Variants in NIPAL3 observed in about 807,000 individuals in gnomAD.
NIPAL3 encodes NIPA like domain containing 3, also known as NIPA-like protein 3.
Under a neutral mutation model 47.2 loss-of-function variants are expected in NIPAL3, and 41 were observed. The observed-to-expected ratio is 0.87, with a 90% confidence interval of 0.68 to 1.13. NIPAL3 has a LOEUF of 1.13. Ranked by LOEUF, NIPAL3 falls within the 50% of genes most tolerant of loss-of-function variation. The pLI is 0.00. For synonymous variants in NIPAL3, 194 were observed against 209.6 expected (o/e 0.93, Z 0.64); for missense variants, 449 against 530.1 (o/e 0.85, Z 1.50).
intron 4 of NIPAL3, 75 bp downstream of exon 4, chr1:24,442,301 AG>A (rs1645435362): frequency 2.0e-6 from 3 of 1,526,242 alleles, no homozygotes; most frequent in Admixed American, 3.7e-5. Flanking sequence ...CCAGGATCAA[AG>A]GTGCCCATTG....
chr1:24,451,261 C>T lies in NIPAL3; in HGVS notation c.540+1635C>T, dbSNP rs140998612. Among the ~76,000 whole-genome samples, 77 of 152,250 alleles carry T rather than the reference C, an allele frequency of 5.1e-4. No homozygotes were observed. The highest frequency in any genetic ancestry group is 1.7e-3 in the African/African-American group (69 of 41,544). On this transcript the variant is annotated intron_variant, in intron 6 of 11. Coordinates refer to ENST00000374399, the MANE Select transcript of NIPAL3 (RefSeq NM_020448.5). The surrounding 1 kb of genome is among the most constrained non-coding windows in gnomAD (Gnocchi z 4.5). Reference sequence around the variant, plus strand: ...CCAAATTCAGTCAATATTTATTGAGCGTCTGCTGTGTGCTAGACACTATGG... The same window carrying T: ...CCAAATTCAGTCAATATTTATTGAGTGTCTGCTGTGTGCTAGACACTATGG...
intron 2 of NIPAL3, among the ~76,000 whole-genome samples, chr1:24,426,942 G>A (rs552249354): frequency 2.6e-5 from 4 of 152,308 alleles, no homozygotes; most frequent in East Asian, 1.9e-4. Flanking sequence ...AGTTTGCACC[G>A]TGTCTTTGCT....
intron 6 of NIPAL3, among the ~76,000 whole-genome samples, chr1:24,450,660 A>G (rs575135223): frequency 4.6e-5 from 7 of 152,332 alleles, no homozygotes; most frequent in Non-Finnish European, 8.8e-5. Context: ...TGAGAAAACC[A>G]GGGCTCTGAG....
chr1:24,454,617 G>A lies in NIPAL3; in HGVS notation c.637+1113G>A, dbSNP rs988890887. On this transcript the variant is annotated intron_variant, in intron 7 of 11. Coordinates refer to ENST00000374399, the MANE Select transcript of NIPAL3 (RefSeq NM_020448.5). The surrounding 1 kb of genome is among the most constrained non-coding windows in gnomAD (Gnocchi z 4.1). ...CCTGTTTAAAGTATACAATTCAGTG[G>A]TTTTTAGTATTTCATAGAGTTGTGA... 1.1e-6 allele frequency: 1 copy of A among 883,858 alleles called. No individual in the cohort carries two copies. The highest frequency in any genetic ancestry group is 6.2e-5 in the Admixed American group (1 of 16,188). 54.8% of individuals were successfully genotyped at this position (883,858 alleles called of 1,614,324 possible).
At chr1:24,464,141 G>T in intron 11 of NIPAL3, 21 bp downstream of exon 11, 1 of 1,592,722 alleles carries the variant, frequency 6.3e-7, no homozygotes, top group Non-Finnish European at 8.6e-7. Context: ...AGCCCCGTGG[G>T]TCTAGCTGAA....
intron 6 of NIPAL3, among the ~76,000 whole-genome samples, chr1:24,452,396 G>C (rs565008036): frequency 3.3e-5 from 5 of 152,186 alleles, no homozygotes; most frequent in Admixed American, 2.6e-4. Context: ...TACCTGCTTC[G>C]TAGAGTTATT....
chr1:24,463,260 A>ATT, intron 10 of NIPAL3, among the ~76,000 whole-genome samples: 1 of 152,320 alleles, frequency 6.6e-6, no homozygotes, highest in East Asian at 1.9e-4. Flanking sequence ...CCAGACATAA[A>ATT]AGAGTACATA....
At chr1:24,446,964 C>T (rs970300012) in intron 5 of NIPAL3, among the ~76,000 whole-genome samples, 1 of 152,038 alleles carries the variant, frequency 6.6e-6, no homozygotes, top group African/African-American at 2.4e-5. Context: ...TTCCACATAC[C>T]AGGAGCCACA....
At chr1:24,432,947 A>G (rs1011954368) in intron 2 of NIPAL3, among the ~76,000 whole-genome samples, 1 of 152,186 alleles carries the variant, frequency 6.6e-6, no homozygotes, top group Non-Finnish European at 1.5e-5. Flanking sequence ...ACGATGCCCT[A>G]TTGTTAATGA....
At chr1:24,452,239 G>A (rs1053604988) in intron 6 of NIPAL3, among the ~76,000 whole-genome samples, 1 of 152,118 alleles carries the variant, frequency 6.6e-6, no homozygotes, top group African/African-American at 2.4e-5. Context: ...GCAAGGAGGG[G>A]GAGCTTCTCA....
intron 11 of NIPAL3, among the ~76,000 whole-genome samples, chr1:24,467,393 C>A (rs1347358843): frequency 6.6e-6 from 1 of 152,100 alleles, no homozygotes; most frequent in Non-Finnish European, 1.5e-5. Flanking sequence ...TGGTGTGAAC[C>A]CAGGAGGTGG....
At chr1:24,437,047 T>C (rs751371793) in intron 2 of NIPAL3, among the ~76,000 whole-genome samples, 1 of 151,972 alleles carries the variant, frequency 6.6e-6, no homozygotes, top group Non-Finnish European at 1.5e-5. Context: ...GTCAGGAGAT[T>C]GAGACCATCC....
At chr1:24,441,446 T>A (rs1253664396) in intron 3 of NIPAL3, among the ~76,000 whole-genome samples, 1 of 152,220 alleles carries the variant, frequency 6.6e-6, no homozygotes, top group Non-Finnish European at 1.5e-5. Context: ...TCTAGCCTGC[T>A]TTAGTTACTG....
At chr1:24,465,529 C>T (rs1217113182) in intron 11 of NIPAL3, 1 of 152,294 alleles carries the variant, frequency 6.6e-6, no homozygotes, top group African/African-American at 2.4e-5. Context: ...GTGTGGCTCT[C>T]AGCTTTTTCT....
chr1:24,434,004 A>G (rs1644992747), intron 2 of NIPAL3, among the ~76,000 whole-genome samples: 1 of 152,192 alleles, frequency 6.6e-6, no homozygotes, highest in African/African-American at 2.4e-5. Flanking sequence ...AAACATATCT[A>G]TTTACCACAA....
At position 24,419,623 on chromosome 1, in the gene NIPAL3, G is replaced by T. The variant is rs1419712336; in HGVS notation, c.76G>T (p.Ala26Ser). The T allele has an allele frequency of 1.9e-6, 3 of 1,613,896 alleles. No homozygotes were observed. The highest frequency in any genetic ancestry group is 2.7e-5 in the African/African-American group (2 of 74,928). ...AAGTAGCTCCAGCGCCGTAAGCGAG[G>T]CCTCCTTCTCCTACAAGGCAAGGGC... ...PTSSSSAVSE[A>S]SFSYKENLIG... The change falls in exon 2 of 12, where the codon GCC becomes TCC. Residue 26 changes from alanine (A) to serine (S), a missense_variant. Transcript: ENST00000374399.
intron 10 of NIPAL3, 58 bp downstream of exon 10, chr1:24,460,602 T>TGCC (rs1202346054): frequency 7.7e-6 from 11 of 1,433,822 alleles, no homozygotes; most frequent in Non-Finnish European, 1.0e-5. Context: ...CCAAGCAGGT[T>TGCC]GCCCCTCTCT....
chr1:24,426,472 G>C (rs1644596867), intron 2 of NIPAL3, among the ~76,000 whole-genome samples: 1 of 151,916 alleles, frequency 6.6e-6, no homozygotes, highest in Non-Finnish European at 1.5e-5. Context: ...TTTTTGTATT[G>C]TTAGTAGAGA....
intron 2 of NIPAL3, among the ~76,000 whole-genome samples, chr1:24,426,690 C>T (rs564223106): frequency 6.6e-6 from 1 of 152,274 alleles, no homozygotes; most frequent in African/African-American, 2.4e-5. Flanking sequence ...TTGGCCAAGT[C>T]TTGGGCTTTC....
Sources: allele counts gnomAD v4.1 joint callset (sites outside exome capture counted in the v4.1 genomes callset), GRCh38; gene constraint gnomAD v4.1.1; non-coding constraint Gnocchi (gnomAD v3.1); transcripts MANE v1.5; gene names NCBI Gene and HGNC (gene_info 2026-07-23, HGNC 2026-07-21).